Variants in GRM3 observed in about 807,000 individuals in gnomAD.
The protein encoded by GRM3 is metabotropic glutamate receptor 3.
In GRM3, 26 loss-of-function variants were observed where a neutral mutation model predicts 70.5. That is an observed-to-expected ratio of 0.37 (90% confidence interval 0.27 to 0.51). The LOEUF (loss-of-function observed/expected upper bound fraction) is 0.51. Ranked by LOEUF, GRM3 falls within the 20% of genes least tolerant of loss-of-function variation. The pLI is 0.93. For synonymous variants in GRM3, 443 were observed against 434.9 expected, an observed-to-expected ratio of 1.02 and a Z score of -0.23; for missense variants, 859 against 1,123.8, an observed-to-expected ratio of 0.76 and a Z score of 3.37.
chr7:86,738,928 G>A (rs185179785), intron 1 of GRM3, among the ~76,000 whole-genome samples: 1 of 152,160 alleles, frequency 6.6e-6, no homozygotes, highest in Admixed American at 6.5e-5. Context: ...CGCAATTCAA[G>A]AATACAATAC....
At chr7:86,673,421 G>A (rs1430059807) in intron 1 of GRM3, among the ~76,000 whole-genome samples, 1 of 152,006 alleles carries the variant, frequency 6.6e-6, no homozygotes, top group Non-Finnish European at 1.5e-5. Flanking sequence ...TCTTACCGGT[G>A]TCAGAGAATG....
intron 1 of GRM3, among the ~76,000 whole-genome samples, chr7:86,707,058 G>A (rs1795076691): frequency 6.6e-6 from 1 of 152,008 alleles, no homozygotes; most frequent in Non-Finnish European, 1.5e-5. Context: ...AGCAAGAGTA[G>A]CTAAAAACAG....
intron 3 of GRM3, among the ~76,000 whole-genome samples, chr7:86,804,937 T>A (rs1340726392): frequency 6.6e-6 from 1 of 152,098 alleles, no homozygotes; most frequent in African/African-American, 2.4e-5. Context: ...TATAGTGAGA[T>A]CCCAACTCTA....
chr7:86,808,303 A>G (rs746483336), intron 3 of GRM3, among the ~76,000 whole-genome samples: 2 of 152,112 alleles, frequency 1.3e-5, no homozygotes, highest in Non-Finnish European at 2.9e-5. Flanking sequence ...ATTGATTGGA[A>G]TAGTTTCAGA....
At chr7:86,803,240 A>C (rs1797720704) in intron 3 of GRM3, among the ~76,000 whole-genome samples, 1 of 152,210 alleles carries the variant, frequency 6.6e-6, no homozygotes, top group East Asian at 1.9e-4. Context: ...TATACAAACA[A>C]AATATATCTA....
At chr7:86,840,140 A>G (rs11769202) in intron 4 of GRM3, among the ~76,000 whole-genome samples, 4 of 152,242 alleles carry the variant, frequency 2.6e-5, no homozygotes, top group Admixed American at 1.3e-4. Flanking sequence ...TATAAATGAT[A>G]CGGTCATTTA....
At chr7:86,755,152 A>G (rs1490101775) in intron 1 of GRM3, among the ~76,000 whole-genome samples, 1 of 152,008 alleles carries the variant, frequency 6.6e-6, no homozygotes, top group Non-Finnish European at 1.5e-5. Flanking sequence ...TCACTTTAGA[A>G]GCATATGCAT....
In GRM3 at chr7:86,786,866, G is replaced by A; in HGVS notation, c.1074G>A (p.Lys358=). Residue 358 remains lysine, a synonymous_variant, in exon 3 of 6, where the codon AAG becomes AAA. Transcript: ENST00000361669. The surrounding 1 kb of genome is among the most constrained non-coding windows in gnomAD (Gnocchi z 6.0). ...NPWFRDFWEQ[K]FQCSLQNKRN... ...GGTTCCGGGACTTCTGGGAGCAAAAGTTTCAGTGCAGCCTCCAGAACAAAC... is the reference window on the plus strand; with the variant it reads ...GGTTCCGGGACTTCTGGGAGCAAAAATTTCAGTGCAGCCTCCAGAACAAAC... 1.2e-6 allele frequency: 2 copies of A among 1,614,118 alleles called. No individual in the cohort carries two copies. Among genetic ancestry groups the A allele is most frequent in the East Asian group, 2.2e-5 (1 of 44,888 alleles).
At chr7:86,811,819 T>A (rs1219100701) in intron 3 of GRM3, among the ~76,000 whole-genome samples, 1 of 151,648 alleles carries the variant, frequency 6.6e-6, no homozygotes, top group East Asian at 1.9e-4. Context: ...TAATCATCTG[T>A]ATAATCCTCT....
At chr7:86,808,903 G>A (rs892803937) in intron 3 of GRM3, among the ~76,000 whole-genome samples, 3 of 151,994 alleles carry the variant, frequency 2.0e-5, no homozygotes, top group East Asian at 3.9e-4. Context: ...GGTCAGAGAA[G>A]TGGTGAGAGC....
intron 3 of GRM3, among the ~76,000 whole-genome samples, chr7:86,835,959 C>T (rs997309954): frequency 1.4e-4 from 21 of 151,756 alleles, no homozygotes; most frequent in Admixed American, 9.2e-4. Context: ...AGAAAACAAG[C>T]GAAAAATGTG....
At chr7:86,784,357 C>G (rs1562862398) in intron 2 of GRM3, 1 of 152,044 alleles carries the variant, frequency 6.6e-6, no homozygotes, top group Non-Finnish European at 1.5e-5. Context: ...TCTCTGTCTC[C>G]CTGAGGGGTT....
At chr7:86,668,271 T>A (rs114873090) in intron 1 of GRM3, among the ~76,000 whole-genome samples, 2,571 of 67,944 alleles carry the variant, frequency 0.038, 71 homozygotes, top group African/African-American at 0.17. Context: ...ATGTCAAAAT[T>A]TTTTTTTTTT....
Position 86,839,650 on chromosome 7 carries a change from A to G in GRM3, c.2136A>G (p.Pro712=), listed in dbSNP as rs374326722. 8.7e-6 allele frequency: 14 copies of G among 1,613,118 alleles called. No homozygotes were observed. In the African/African-American group the frequency reaches 1.7e-4, roughly 20 times the overall value. The part of the protein sequence containing the change: ...MVSVWLILEA[P]GTRRYTLAEK... ...CTGTGTGGCTCATCCTGGAGGCCCC[A>G]GGCACCAGGAGGTATACCCTTGCAG... Residue 712 remains proline, a synonymous_variant, in exon 4 of 6, where the codon CCA becomes CCG. Transcript: ENST00000361669. The surrounding 1 kb of genome is among the most constrained non-coding windows in gnomAD (Gnocchi z 4.5).
At chr7:86,841,359 A>G (rs1383423096) in intron 4 of GRM3, among the ~76,000 whole-genome samples, 2 of 152,160 alleles carry the variant, frequency 1.3e-5, no homozygotes, top group East Asian at 3.9e-4. Flanking sequence ...AAAATTTTGG[A>G]AAATTTTAAA....
intron 1 of GRM3, among the ~76,000 whole-genome samples, chr7:86,645,961 A>G (rs1793450737): frequency 1.8e-5 from 2 of 110,860 alleles, no homozygotes; most frequent in South Asian, 3.3e-4. Flanking sequence ...CAGCACAGCT[A>G]CAGTATGTTT....
At chr7:86,853,701 G>C (rs1798795764) in intron 5 of GRM3, among the ~76,000 whole-genome samples, 1 of 152,184 alleles carries the variant, frequency 6.6e-6, no homozygotes, top group African/African-American at 2.4e-5. Flanking sequence ...TATGGAAACA[G>C]AGTTATCGCG....
chr7:86,722,299 A>T (rs1289792960), intron 1 of GRM3, among the ~76,000 whole-genome samples: 2 of 152,268 alleles, frequency 1.3e-5, no homozygotes, highest in South Asian at 2.1e-4. Flanking sequence ...AGACACATGC[A>T]CACATATGTT....
At chr7:86,717,134 G>T (rs969968054) in intron 1 of GRM3, among the ~76,000 whole-genome samples, 21 of 152,054 alleles carry the variant, frequency 1.4e-4, no homozygotes, top group African/African-American at 4.3e-4. Flanking sequence ...ATTATAAAAT[G>T]CATCACTCAG....
Sources: gnomAD v4.1 joint callset for allele counts (sites outside exome capture counted in the v4.1 genomes callset) on GRCh38, gnomAD v4.1.1 for gene constraint, Gnocchi (gnomAD v3.1) non-coding constraint, MANE v1.5 for transcripts, NCBI Gene and HGNC (gene_info 2026-07-23, HGNC 2026-07-21) for gene names.